The following METTL24 variants were observed in gnomAD, a reference collection of about 807,000 sequenced individuals.
The protein encoded by METTL24 is methyltransferase like 24.
METTL24 carries 29 observed loss-of-function variants against 32.7 expected under a neutral mutation model. The ratio of observed to expected loss-of-function variants is 0.89; its 90% CI spans 0.66 to 1.21. METTL24 has a LOEUF of 1.21. METTL24 is among the 50% of genes most tolerant of loss of function. The pLI is 0.00. For missense variants in METTL24, 439 were observed against 468.1 expected, an observed-to-expected ratio of 0.94 and a Z score of 0.57; for synonymous variants, 163 against 179.5, an observed-to-expected ratio of 0.91 and a Z score of 0.73.
intron 1 of METTL24, among the ~76,000 whole-genome samples, chr6:110,356,502 T>C (rs1207446644): frequency 2.0e-5 from 3 of 151,798 alleles, no homozygotes; most frequent in Non-Finnish European, 4.4e-5. Flanking sequence ...AAACATCACA[T>C]TGTAACTCAA....
chr6:110,314,633 T>C (rs2114746558), intron 3 of METTL24, among the ~76,000 whole-genome samples: 1 of 152,346 alleles, frequency 6.6e-6, no homozygotes, highest in Non-Finnish European at 1.5e-5. Flanking sequence ...TAGCCATTAT[T>C]TGTTTTGGGT....
intron 4 of METTL24, among the ~76,000 whole-genome samples, chr6:110,287,493 G>A (rs1287897847): frequency 6.6e-6 from 1 of 152,128 alleles, no homozygotes; most frequent in Non-Finnish European, 1.5e-5. Context: ...ACCTCTCTTT[G>A]AAAAAGGAAT....
chr6:110,289,232 G>A (rs968053988), intron 4 of METTL24, among the ~76,000 whole-genome samples: 1 of 152,122 alleles, frequency 6.6e-6, no homozygotes, highest in Non-Finnish European at 1.5e-5. Flanking sequence ...TGAAGTCAAA[G>A]GCTAAGAGAA....
In METTL24 at chr6:110,309,280, A is replaced by G. The variant is rs559021859; in HGVS notation, c.557+6062T>C. Among the ~76,000 whole-genome samples, 18 of 152,286 alleles carry G rather than the reference A, an allele frequency of 1.2e-4. No homozygotes were observed. The East Asian group carries it at 3.5e-3, about 29-fold the overall frequency. ...TCCTCCATTCTTCATCCTAGCAGGAACCACAGAATCTGGCCAAATAACTAC... is the reference window on the plus strand; with the variant it reads ...TCCTCCATTCTTCATCCTAGCAGGAGCCACAGAATCTGGCCAAATAACTAC... On this transcript the variant is annotated intron_variant, in intron 3 of 4. Transcript: ENST00000338882.
chr6:110,281,151 G>C (rs1771128826), intron 4 of METTL24, among the ~76,000 whole-genome samples: 1 of 152,104 alleles, frequency 6.6e-6, no homozygotes, highest in Non-Finnish European at 1.5e-5. Flanking sequence ...CTTGAAAGAT[G>C]GGTGACTTTT....
At chr6:110,322,459 C>T (rs916873736) in intron 2 of METTL24, among the ~76,000 whole-genome samples, 4 of 152,176 alleles carry the variant, frequency 2.6e-5, no homozygotes, top group African/African-American at 7.2e-5. Context: ...TGCCTACTCA[C>T]GGGGACCAAT....
intron 4 of METTL24, among the ~76,000 whole-genome samples, chr6:110,268,029 G>A (rs1562220804): frequency 6.6e-6 from 1 of 152,112 alleles, no homozygotes. Flanking sequence ...GCAACACTGA[G>A]GATGACATTT....
intron 4 of METTL24, among the ~76,000 whole-genome samples, chr6:110,270,788 G>A (rs1203436053): frequency 6.7e-6 from 1 of 150,032 alleles, no homozygotes; most frequent in African/African-American, 2.5e-5. Context: ...AGTTCTAATT[G>A]TCTTGTCTTA....
At chr6:110,320,385 T>C (rs920388120) in intron 2 of METTL24, among the ~76,000 whole-genome samples, 5 of 152,162 alleles carry the variant, frequency 3.3e-5, no homozygotes, top group Admixed American at 2.0e-4. Flanking sequence ...ACCATAAAGC[T>C]TTGCATTACA....
intron 4 of METTL24, among the ~76,000 whole-genome samples, chr6:110,281,816 A>G (rs1027289579): frequency 6.6e-6 from 1 of 151,276 alleles, no homozygotes; most frequent in African/African-American, 2.4e-5. Flanking sequence ...AGTCAAAATG[A>G]CATAAGGGAA....
intron 3 of METTL24, among the ~76,000 whole-genome samples, chr6:110,304,713 C>T (rs1012252280): frequency 6.6e-6 from 1 of 152,012 alleles, no homozygotes; most frequent in Non-Finnish European, 1.5e-5. Context: ...CTGAAAGTGA[C>T]GAGGAGAATG....
intron 1 of METTL24, among the ~76,000 whole-genome samples, chr6:110,328,310 G>A (rs546687675): frequency 6.6e-6 from 1 of 152,336 alleles, no homozygotes; most frequent in South Asian, 2.1e-4. Context: ...TCCAGACAAT[G>A]TGCATTGAAA....
chr6:110,339,894 T>C (rs991801107), intron 1 of METTL24, among the ~76,000 whole-genome samples: 2 of 152,032 alleles, frequency 1.3e-5, no homozygotes, highest in Non-Finnish European at 2.9e-5. Context: ...GATGCCAGAG[T>C]AATGTTGGTG....
chr6:110,332,824 G>A (rs555625050), intron 1 of METTL24, among the ~76,000 whole-genome samples: 92 of 151,442 alleles, frequency 6.1e-4, no homozygotes, highest in South Asian at 1.7e-3. Flanking sequence ...TAGGAGGATC[G>A]CTTGAGCCCA....
chr6:110,356,301 A>ACTTG (rs1772695508), intron 1 of METTL24, among the ~76,000 whole-genome samples: 1 of 151,924 alleles, frequency 6.6e-6, no homozygotes, highest in African/African-American at 2.4e-5. Context: ...AAATTAGCCC[A>ACTTG]GCGTGGTGGT....
At chr6:110,263,201 G>C (rs1436422035) in intron 4 of METTL24, among the ~76,000 whole-genome samples, 1 of 152,190 alleles carries the variant, frequency 6.6e-6, no homozygotes, top group Non-Finnish European at 1.5e-5. Context: ...CAGATGACAT[G>C]ATTGTATATC....
At chr6:110,340,742 C>T (rs1162123998) in intron 1 of METTL24, among the ~76,000 whole-genome samples, 1 of 152,210 alleles carries the variant, frequency 6.6e-6, no homozygotes, top group Non-Finnish European at 1.5e-5. Flanking sequence ...TTCAAGTATT[C>T]ACCGTCCTGG....
intron 4 of METTL24, among the ~76,000 whole-genome samples, chr6:110,266,142 C>A (rs1050141601): frequency 6.6e-6 from 1 of 151,910 alleles, no homozygotes; most frequent in African/African-American, 2.4e-5. Flanking sequence ...TGGCATCAAG[C>A]GATCCTCCCA....
chr6:110,251,789 C>T (rs915121563), intron 4 of METTL24, among the ~76,000 whole-genome samples: 1 of 152,096 alleles, frequency 6.6e-6, no homozygotes, highest in African/African-American at 2.4e-5. Context: ...GGCACCTAAT[C>T]CCATTCATGC....
Sources: gnomAD v4.1 joint callset for allele counts (sites outside exome capture counted in the v4.1 genomes callset) on GRCh38, gnomAD v4.1.1 for gene constraint, MANE v1.5 for transcripts, NCBI Gene and HGNC (gene_info 2026-07-23, HGNC 2026-07-21) for gene names.